DYRK1A: variants seen among roughly 807,000 people sequenced by gnomAD.
DYRK1A encodes the protein dual specificity tyrosine phosphorylation regulated kinase 1A, also known as dual specificity tyrosine-phosphorylation-regulated kinase 1A.
In DYRK1A, 9 loss-of-function variants were observed where a neutral mutation model predicts 79.7. The ratio of observed to expected loss-of-function variants is 0.11; its 90% CI spans 0.07 to 0.20. The LOEUF (loss-of-function observed/expected upper bound fraction) is 0.20. DYRK1A is among the 10% of genes least tolerant of loss of function. The pLI is 1.00. For synonymous variants in DYRK1A, 349 were observed against 329.7 expected (o/e 1.06, Z -0.63); for missense variants, 622 against 956.0 (o/e 0.65, Z 4.61).
chr21:37,451,366 CTCCCT>C (rs2051443429), intron 2 of DYRK1A, among the ~76,000 whole-genome samples: 2 of 52,646 alleles, frequency 3.8e-5, no homozygotes, highest in African/African-American at 4.6e-5. Flanking sequence ...CCATCCCTCC[CTCCCT>C]CCATCCCTCC....
At chr21:37,510,449 T>C (rs896058807) in intron 11 of DYRK1A, among the ~76,000 whole-genome samples, 2 of 152,196 alleles carry the variant, frequency 1.3e-5, no homozygotes, top group East Asian at 3.8e-4. Context: ...TCCTAGAGCT[T>C]ACAGTGACAC....
At chr21:37,466,212 A>G (rs1302387488) in intron 2 of DYRK1A, among the ~76,000 whole-genome samples, 1 of 152,180 alleles carries the variant, frequency 6.6e-6, no homozygotes, top group Non-Finnish European at 1.5e-5. Context: ...CTGGATGGTC[A>G]TTTGGATGTC....
chr21:37,465,745 G>T (rs1452832268), intron 2 of DYRK1A, among the ~76,000 whole-genome samples: 1 of 152,132 alleles, frequency 6.6e-6, no homozygotes, highest in East Asian at 1.9e-4. Context: ...GCTGAGGCAG[G>T]AGAATTGCTT....
chr21:37,445,532 T>C (rs750736766), intron 2 of DYRK1A, among the ~76,000 whole-genome samples: 1 of 152,018 alleles, frequency 6.6e-6, no homozygotes, highest in Non-Finnish European at 1.5e-5. Context: ...ACAAATAGAG[T>C]TGGGGAAGAT....
chr21:37,466,507 C>G (rs1420481480), intron 2 of DYRK1A, among the ~76,000 whole-genome samples: 15 of 152,134 alleles, frequency 9.9e-5, no homozygotes, highest in Admixed American at 9.8e-4. Flanking sequence ...ACCACATACT[C>G]TTTACAAGAG....
intron 2 of DYRK1A, among the ~76,000 whole-genome samples, chr21:37,457,842 T>C (rs974316693): frequency 6.6e-6 from 1 of 152,174 alleles, no homozygotes; most frequent in Non-Finnish European, 1.5e-5. Flanking sequence ...TTAATTTTTT[T>C]CCCCCTTGAC....
At chr21:37,509,112 G>A (rs749778884) in intron 11 of DYRK1A, among the ~76,000 whole-genome samples, 39 of 152,234 alleles carry the variant, frequency 2.6e-4, no homozygotes, top group Non-Finnish European at 3.7e-4. Context: ...GGAATTCAGC[G>A]AAAGGTTTTC....
intron 2 of DYRK1A, among the ~76,000 whole-genome samples, chr21:37,439,144 T>C (rs59020833): frequency 0.064 from 9,773 of 152,284 alleles, 1,057 homozygotes; most frequent in African/African-American, 0.22. Context: ...TATCCTTGTA[T>C]TCTGTGACCT....
intron 2 of DYRK1A, among the ~76,000 whole-genome samples, chr21:37,426,621 G>T (rs1038586181): frequency 7.2e-5 from 11 of 151,956 alleles, no homozygotes; most frequent in Non-Finnish European, 1.6e-4. Context: ...TGTTTAAGAT[G>T]AATAACCAGC....
intron 1 of DYRK1A, among the ~76,000 whole-genome samples, chr21:37,392,943 A>G (rs1419844281): frequency 2.0e-5 from 3 of 152,252 alleles, no homozygotes; most frequent in Non-Finnish European, 4.4e-5. Context: ...GCAGAACGTG[A>G]AAGAGCAGAA....
chr21:37,396,656 T>G (rs1215836701), intron 1 of DYRK1A, among the ~76,000 whole-genome samples: 1 of 152,184 alleles, frequency 6.6e-6, no homozygotes, highest in Non-Finnish European at 1.5e-5. Context: ...CTACCATGTT[T>G]TAAAATTTCC....
chr21:37,497,448 A>G (rs1030359750), intron 9 of DYRK1A, among the ~76,000 whole-genome samples: 1 of 152,182 alleles, frequency 6.6e-6, no homozygotes, highest in African/African-American at 2.4e-5. Context: ...TTCTTTACCC[A>G]CATAGCTCAT....
At chr21:37,420,415 C>G in intron 2 of DYRK1A, 31 bp downstream of exon 2, 1 of 1,607,958 alleles carries the variant, frequency 6.2e-7, no homozygotes, top group Non-Finnish European at 8.5e-7. Flanking sequence ...CAGTAAAACT[C>G]TGGCTAAGAG....
Position 37,457,033 on chromosome 21 carries a change from C to T in DYRK1A, c.11-15651C>T, listed in dbSNP as rs200819260. 8.8e-4 allele frequency among the ~76,000 whole-genome samples: 104 copies of T among 118,318 alleles called. 1 individual carries two copies. Among genetic ancestry groups the T allele is most frequent in the East Asian group, 4.5e-3 (21 of 4,684 alleles). The allele number at this position is 118,318 out of a possible 152,430, so 77.6% of individuals were successfully genotyped here. On this transcript the variant is annotated intron_variant, in intron 2 of 11. Coordinates refer to ENST00000647188, the MANE Select transcript of DYRK1A (RefSeq NM_001347721.2). ...GAAAATTTACTTACTTACTTACTTA[C>T]TTACTTATTTATTTATTTATTTATT...
intron 2 of DYRK1A, among the ~76,000 whole-genome samples, chr21:37,453,602 G>T (rs1407172148): frequency 6.6e-6 from 1 of 152,204 alleles, no homozygotes; most frequent in Non-Finnish European, 1.5e-5. Flanking sequence ...AGGTAGATGG[G>T]AGGAGAGATG....
chr21:37,506,272 T>TG (rs2053595890), intron 11 of DYRK1A, 49 bp downstream of exon 11: 1 of 1,613,684 alleles, frequency 6.2e-7, no homozygotes, highest in Admixed American at 1.7e-5. Context: ...CATTCTCAGG[T>TG]GGAGCAGCAC....
intron 2 of DYRK1A, among the ~76,000 whole-genome samples, chr21:37,461,179 T>G (rs2051825526): frequency 6.6e-6 from 1 of 152,226 alleles, no homozygotes; most frequent in African/African-American, 2.4e-5. Context: ...CATCTGCATA[T>G]TAGTCTTAAA....
At chr21:37,481,156 G>T (rs1393661371) in intron 5 of DYRK1A, 1 of 175,818 alleles carries the variant, frequency 5.7e-6, no homozygotes, top group Non-Finnish European at 1.2e-5. Flanking sequence ...TATGCTAGAG[G>T]TATTTACCTT....
chr21:37,491,012 A>C (rs1272319610), intron 7 of DYRK1A, among the ~76,000 whole-genome samples: 1 of 152,192 alleles, frequency 6.6e-6, no homozygotes, highest in Non-Finnish European at 1.5e-5. Flanking sequence ...TGGTTCAAAA[A>C]AATGCAGGTA....
Sources: gnomAD v4.1 joint callset for allele counts (sites outside exome capture counted in the v4.1 genomes callset) on GRCh38, gnomAD v4.1.1 for gene constraint, MANE v1.5 for transcripts, NCBI Gene and HGNC (gene_info 2026-07-23, HGNC 2026-07-21) for gene names.